Variants in NAA50 observed in about 807,000 individuals in gnomAD.
NAA50 encodes N-alpha-acetyltransferase 50.
A neutral mutation model predicts 20.7 loss-of-function variants in NAA50; 7 were observed. That is an observed-to-expected ratio of 0.34 (90% CI 0.19 to 0.63). The LOEUF (loss-of-function observed/expected upper bound fraction) is 0.63, where lower values mean the gene tolerates loss of function less well. NAA50 is among the 30% of genes least tolerant of loss of function. The probability of loss-of-function intolerance (pLI) is 0.75; values close to 1 mark genes in which losing one functional copy is unlikely to be tolerated. For missense variants in NAA50, 111 were observed against 199.1 expected (o/e 0.56, Z 2.66); for synonymous variants, 54 against 70.6 (o/e 0.77, Z 1.18).
chr3:113,736,728 A>G (rs1263392143), intron 1 of NAA50, among the ~76,000 whole-genome samples: 1 of 152,196 alleles, frequency 6.6e-6, no homozygotes, highest in Non-Finnish European at 1.5e-5. Flanking sequence ...GTTTCACTAT[A>G]TTGCCCAGGG....
intron 2 of NAA50, chr3:113,723,745 A>G (rs1176820281): frequency 1.3e-5 from 10 of 789,720 alleles, no homozygotes; most frequent in African/African-American, 1.7e-5. Context: ...ACACACAGGT[A>G]TACACTAAGA....
At chr3:113,740,148 G>T (rs2107994734) in intron 1 of NAA50, among the ~76,000 whole-genome samples, 1 of 152,100 alleles carries the variant, frequency 6.6e-6, no homozygotes, top group African/African-American at 2.4e-5. Flanking sequence ...ACAAGGGGAA[G>T]AAATCATTTC....
chr3:113,739,669 AAC>A (rs1040147452), intron 1 of NAA50: 1 of 152,230 alleles, frequency 6.6e-6, no homozygotes, highest in Non-Finnish European at 1.5e-5. Context: ...ACTGAATGGC[AAC>A]ACTTTAACCA....
At chr3:113,742,882 T>C (rs1708437196) in intron 1 of NAA50, among the ~76,000 whole-genome samples, 2 of 152,194 alleles carry the variant, frequency 1.3e-5, no homozygotes, top group African/African-American at 4.8e-5. Context: ...ATACTTTCCA[T>C]TACACTGCCT....
In NAA50 at chr3:113,718,363, G is replaced by C. The variant is rs959852974; in HGVS notation, c.*3397C>G. ...TCTCAAGACAGAACCACCCAGTTAA[G>C]CAGCTCCTAGATTCCTGATCCAGAA... On this transcript the variant is annotated 3_prime_UTR_variant, in exon 5 of 5. Coordinates refer to ENST00000240922, the MANE Select transcript of NAA50 (RefSeq NM_025146.4). The C allele has an allele frequency of 2.6e-5, 4 of 152,232 alleles. No individual in the cohort carries two copies. The highest frequency in any genetic ancestry group is 5.9e-5 in the Non-Finnish European group (4 of 68,064). 9.4% of individuals were successfully genotyped at this position (152,232 alleles called of 1,614,324 possible). A position where few individuals can be genotyped will look rare whatever the true frequency, so the allele number is the denominator to read the frequency against.
chr3:113,726,124 G>A (rs1708195221), intron 1 of NAA50, among the ~76,000 whole-genome samples: 1 of 152,028 alleles, frequency 6.6e-6, no homozygotes, highest in Non-Finnish European at 1.5e-5. Context: ...ATCTTTTCAT[G>A]TCTTGTATGT....
chr3:113,733,453 G>A (rs1708295943), intron 1 of NAA50, among the ~76,000 whole-genome samples: 1 of 151,872 alleles, frequency 6.6e-6, no homozygotes, highest in African/African-American at 2.4e-5. Context: ...ATTTTTAAAA[G>A]ACATTTACAA....
At chr3:113,742,427 T>G (rs2107996222) in intron 1 of NAA50, among the ~76,000 whole-genome samples, 1 of 146,542 alleles carries the variant, frequency 6.8e-6, no homozygotes, top group East Asian at 2.0e-4. Flanking sequence ...ATGCCTGGCT[T>G]TTTTTTTTTT....
At position 113,745,926 on chromosome 3, in the gene NAA50, G is replaced by T. The variant is rs777273267; in HGVS notation, c.8+16C>A. On this transcript the variant is annotated intron_variant, in intron 1 of 4. Coordinates refer to ENST00000240922, the MANE Select transcript of NAA50 (RefSeq NM_025146.4). ...CTACCCCACCGGCCGGGCCCTGCCCGGCTGCCCTTCCTCACCCTTTCATCT... is the reference window on the plus strand; with the variant it reads ...CTACCCCACCGGCCGGGCCCTGCCCTGCTGCCCTTCCTCACCCTTTCATCT... The T allele has an allele frequency of 1.9e-6, 3 of 1,603,488 alleles. No homozygotes were observed. Among genetic ancestry groups the T allele is most frequent in the Admixed American group, 3.4e-5 (2 of 59,438 alleles).
chr3:113,724,237 A>G (rs1269915757), intron 1 of NAA50, 142 bp from the exon 2 acceptor site: 1 of 901,624 alleles, frequency 1.1e-6, no homozygotes, highest in Non-Finnish European at 1.5e-6. Flanking sequence ...ATTATCATTT[A>G]TAAGCAAATT....
Position 113,746,121 on chromosome 3 carries a change from G to A in NAA50, c.-172C>T, listed in dbSNP as rs1708496898. 2.6e-6 allele frequency: 2 copies of A among 768,318 alleles called. No homozygotes were observed. The highest frequency in any genetic ancestry group is 4.1e-6 in the Non-Finnish European group (2 of 491,720). The allele number at this position is 768,318 out of a possible 1,614,324, so 47.6% of individuals were successfully genotyped here. A position where few individuals can be genotyped will look rare whatever the true frequency, so the allele number is the denominator to read the frequency against. On this transcript the variant is annotated 5_prime_UTR_variant, in exon 1 of 5. Coordinates refer to ENST00000240922, the MANE Select transcript of NAA50 (RefSeq NM_025146.4). ...CCGCGAGAGTCGAGTGAGGGCTTGAGTCTGGTGGGGGCGGGAGTGTCTCCC... is the reference window on the plus strand; with the variant it reads ...CCGCGAGAGTCGAGTGAGGGCTTGAATCTGGTGGGGGCGGGAGTGTCTCCC...
At position 113,716,970 on chromosome 3, in the gene NAA50, G is replaced by T. The variant is rs1318356775; in HGVS notation, c.*4790C>A. ...TCTGCTCCCAACTATTTCTGAATCA[G>T]ATCTTGCTGCTATTTTTTTCTTATT... On this transcript the variant is annotated 3_prime_UTR_variant, in exon 5 of 5. Coordinates refer to ENST00000240922, the MANE Select transcript of NAA50 (RefSeq NM_025146.4). 2 of 152,138 alleles carry T rather than the reference G, an allele frequency of 1.3e-5. No individual in the cohort carries two copies. The highest frequency in any genetic ancestry group is 4.8e-5 in the African/African-American group (2 of 41,444). The allele number at this position is 152,138 out of a possible 1,614,324, so 9.4% of individuals were successfully genotyped here. A position where few individuals can be genotyped will look rare whatever the true frequency, so the allele number is the denominator to read the frequency against.
At chr3:113,730,233 G>C (rs1708254900) in intron 1 of NAA50, among the ~76,000 whole-genome samples, 1 of 151,730 alleles carries the variant, frequency 6.6e-6, no homozygotes, top group Admixed American at 6.6e-5. Context: ...CCCAAGGGCA[G>C]AGGTTGCAGT....
chr3:113,716,656 A>C lies in NAA50; in HGVS notation c.*5104T>G, dbSNP rs1282841307. 6.6e-6 allele frequency: 1 copy of C among 152,250 alleles called. No individual in the cohort carries two copies. The highest frequency in any genetic ancestry group is 1.5e-5 in the Non-Finnish European group (1 of 68,040). The allele number at this position is 152,250 out of a possible 1,614,324, so 9.4% of individuals were successfully genotyped here. A position where few individuals can be genotyped will look rare whatever the true frequency, so the allele number is the denominator to read the frequency against. ...TGTCCTACGAAAGCTACAGTGATTC[A>C]ACATGTGCTTTAATTTATACTGCTT... On this transcript the variant is annotated 3_prime_UTR_variant, in exon 5 of 5. Coordinates refer to ENST00000240922, the MANE Select transcript of NAA50 (RefSeq NM_025146.4).
intron 1 of NAA50, among the ~76,000 whole-genome samples, chr3:113,734,781 G>A (rs1025358256): frequency 1.3e-5 from 2 of 152,190 alleles, no homozygotes; most frequent in Non-Finnish European, 2.9e-5. Context: ...TGTCCAGACA[G>A]TCTGTTATCA....
intron 1 of NAA50, chr3:113,741,099 AGTTAT>A (rs1278540839): frequency 5.5e-6 from 3 of 542,866 alleles, no homozygotes; most frequent in Non-Finnish European, 1.1e-5. Flanking sequence ...GTTTTCAGAA[AGTTAT>A]GTGGATGACT....
In NAA50 at chr3:113,718,175, C is replaced by G. The variant is rs1218164641; in HGVS notation, c.*3585G>C. On this transcript the variant is annotated 3_prime_UTR_variant, in exon 5 of 5. Coordinates refer to ENST00000240922, the MANE Select transcript of NAA50 (RefSeq NM_025146.4). ...AACTGGTGCCCAAGGAACTGAAGCC[C>G]AAGAGCCACGTGAGCATCAGGCACT... 6.6e-6 allele frequency: 1 copy of G among 152,196 alleles called. No individual in the cohort carries two copies. The highest frequency in any genetic ancestry group is 2.4e-5 in the African/African-American group (1 of 41,436). 9.4% of individuals were successfully genotyped at this position (152,196 alleles called of 1,614,324 possible).
chr3:113,734,101 A>G lies in NAA50; in HGVS notation c.9-10006T>C, dbSNP rs1708307370. Among the ~76,000 whole-genome samples the G allele has an allele frequency of 2.0e-5, 3 of 152,120 alleles. No homozygotes were observed. In the South Asian group the frequency reaches 6.2e-4, roughly 32 times the overall value. ...AATGTTTAAAGATTTCCACACATAC[A>G]CCATGGAATACTACATAACCATAAA... On this transcript the variant is annotated intron_variant, in intron 1 of 4. Coordinates refer to ENST00000240922, the MANE Select transcript of NAA50 (RefSeq NM_025146.4).
At chr3:113,723,326 C>T in intron 3 of NAA50, 96 bp downstream of exon 3, 1 of 1,193,868 alleles carries the variant, frequency 8.4e-7, no homozygotes, top group Admixed American at 2.5e-5. Flanking sequence ...TCTCAGTATT[C>T]CTTAAAAAGA....
Sources: allele counts gnomAD v4.1 joint callset (sites outside exome capture counted in the v4.1 genomes callset), GRCh38; gene constraint gnomAD v4.1.1; transcripts MANE v1.5; gene names NCBI Gene and HGNC (gene_info 2026-07-23, HGNC 2026-07-21).